CCDC126: variants seen among roughly 807,000 people sequenced by gnomAD.
The protein encoded by CCDC126 is coiled-coil domain-containing protein 126.
In CCDC126, 5 loss-of-function variants were observed where a neutral mutation model predicts 11.7. The observed-to-expected ratio is 0.43, with a 90% confidence interval of 0.22 to 0.90. CCDC126 has a LOEUF of 0.90. CCDC126 is among the 40% of genes least tolerant of loss of function. The probability of loss-of-function intolerance (pLI) is 0.27; values close to 1 mark genes in which losing one functional copy is unlikely to be tolerated. For missense variants in CCDC126, 150 were observed against 163.1 expected (o/e 0.92, Z 0.44); for synonymous variants, 60 against 61.9 (o/e 0.97, Z 0.14).
intron 3 of CCDC126, among the ~76,000 whole-genome samples, chr7:23,625,301 G>T (rs995232603): frequency 2.6e-5 from 4 of 152,158 alleles, no homozygotes; most frequent in African/African-American, 9.7e-5. Context: ...GAATGTTTAA[G>T]AATAGATTAC....
At chr7:23,627,982 T>C (rs1783043329) in intron 3 of CCDC126, among the ~76,000 whole-genome samples, 1 of 152,200 alleles carries the variant, frequency 6.6e-6, no homozygotes, top group East Asian at 1.9e-4. Context: ...GCAAAAATTT[T>C]CCTTAGTAAA....
At chr7:23,599,135 C>G (rs1782485749) in intron 2 of CCDC126, among the ~76,000 whole-genome samples, 1 of 152,196 alleles carries the variant, frequency 6.6e-6, no homozygotes, top group South Asian at 2.1e-4. Flanking sequence ...TTATCACTCT[C>G]TCATGAGCTG....
At position 23,611,456 on chromosome 7, in the gene CCDC126, G is replaced by C. The variant is rs776105484; in HGVS notation, c.141G>C (p.Glu47Asp). Residue 47 changes from glutamate (E) to aspartate (D), a missense_variant, in exon 3 of 4, where the codon GAG becomes GAC. By Grantham distance (45) the Glu-to-Asp change is conservative. Coordinates refer to ENST00000307471, the MANE Select transcript of CCDC126 (RefSeq NM_138771.4). ...ATCAAAGCAGTGTCAAGTTACGTGA[G>C]CAAATACTAGACTTAAGCAAAAGAT... ...PRHQSSVKLR[E>D]QILDLSKRYV... 2 of 1,613,808 alleles carry C rather than the reference G, an allele frequency of 1.2e-6. No homozygotes were observed. Among genetic ancestry groups the C allele is most frequent in the African/African-American group, 2.7e-5 (2 of 74,912 alleles).
At chr7:23,605,590 A>T (rs1409575418) in intron 2 of CCDC126, among the ~76,000 whole-genome samples, 3 of 152,212 alleles carry the variant, frequency 2.0e-5, no homozygotes, top group Non-Finnish European at 4.4e-5. Context: ...CTCTGTACCC[A>T]TTAAATCATA....
intron 3 of CCDC126, among the ~76,000 whole-genome samples, chr7:23,627,002 G>A (rs1394665369): frequency 6.6e-6 from 1 of 152,032 alleles, no homozygotes; most frequent in Non-Finnish European, 1.5e-5. Context: ...TATCTCTGTT[G>A]GATTCTGTGA....
chr7:23,604,997 C>CAAAAAA (rs35137744), intron 2 of CCDC126, among the ~76,000 whole-genome samples: 1 of 92,642 alleles, frequency 1.1e-5, no homozygotes. Context: ...GACTTCGTCT[C>CAAAAAA]AAAAAAAAAA....
Position 23,621,477 on chromosome 7 carries a change from G to C in CCDC126, c.238+9924G>C, listed in dbSNP as rs181896602. On this transcript the variant is annotated intron_variant, in intron 3 of 3. Transcript: ENST00000307471. ...TTGCTTATCACCTTAAGGAGATTTT[G>C]GGCTGAGATGATGGGGTTTTCTAGA... Among the ~76,000 whole-genome samples, 426 of 152,276 alleles carry C rather than the reference G, an allele frequency of 2.8e-3. 3 individuals are homozygous for C. Among genetic ancestry groups the C allele is most frequent in the African/African-American group, 8.3e-3 (345 of 41,564 alleles).
chr7:23,627,030 A>T (rs1367478302), intron 3 of CCDC126, among the ~76,000 whole-genome samples: 2 of 152,140 alleles, frequency 1.3e-5, no homozygotes, highest in African/African-American at 4.8e-5. Context: ...AGAACAATGA[A>T]TTGGGAATAC....
intron 3 of CCDC126, among the ~76,000 whole-genome samples, chr7:23,621,226 C>G (rs1305255867): frequency 1.3e-5 from 2 of 152,180 alleles, no homozygotes; most frequent in Non-Finnish European, 2.9e-5. Flanking sequence ...GAATGTTCTT[C>G]CATTTGTTTG....
intron 2 of CCDC126, among the ~76,000 whole-genome samples, chr7:23,608,159 C>T (rs1364579062): frequency 6.6e-6 from 1 of 152,136 alleles, no homozygotes; most frequent in African/African-American, 2.4e-5. Flanking sequence ...AGTTTTCAGC[C>T]CTCTGATGTC....
At chr7:23,601,579 G>A (rs1414234447) in intron 2 of CCDC126, among the ~76,000 whole-genome samples, 5 of 152,198 alleles carry the variant, frequency 3.3e-5, no homozygotes, top group Admixed American at 6.5e-5. Context: ...TGTGCTGAAA[G>A]TTTGGATGCC....
intron 3 of CCDC126, among the ~76,000 whole-genome samples, chr7:23,621,614 A>AT: frequency 6.6e-6 from 1 of 152,152 alleles, no homozygotes; most frequent in East Asian, 1.9e-4. Context: ...TTCCAACACT[A>AT]TGTTGAATAG....
At chr7:23,630,415 C>A (rs911386592) in intron 3 of CCDC126, among the ~76,000 whole-genome samples, 12 of 152,076 alleles carry the variant, frequency 7.9e-5, no homozygotes, top group African/African-American at 2.9e-4. Flanking sequence ...ATGAGAATTG[C>A]TTGAACCGGG....
rs570784528 is a variant in CCDC126 at position 23,611,975 on chromosome 7, CT to C, written c.238+423del. Among the ~76,000 whole-genome samples, 28 of 152,120 alleles carry C rather than the reference CT, an allele frequency of 1.8e-4. No homozygotes were observed. In the East Asian group the frequency reaches 4.7e-3, roughly 25 times the overall value. ...TGGCTAACACGGTAAAACCCCGTCT[CT>C]ACTGAAAATACAAAAACAAATTAGC... On this transcript the variant is annotated intron_variant, in intron 3 of 3. Coordinates refer to ENST00000307471, the MANE Select transcript of CCDC126 (RefSeq NM_138771.4).
intron 3 of CCDC126, 150 bp from the exon 4 acceptor site, chr7:23,642,781 G>A: frequency 1.7e-6 from 1 of 587,052 alleles, no homozygotes; most frequent in Non-Finnish European, 2.8e-6. Context: ...AAAAAAATTA[G>A]GCTTTTCCTA....
chr7:23,598,717 T>C (rs1782476529), intron 2 of CCDC126, among the ~76,000 whole-genome samples: 1 of 152,256 alleles, frequency 6.6e-6, no homozygotes, highest in Admixed American at 6.5e-5. Context: ...CACTCTAAAA[T>C]GTGTTGCAAA....
intron 2 of CCDC126, among the ~76,000 whole-genome samples, chr7:23,602,378 G>A (rs1782558898): frequency 6.6e-6 from 1 of 152,138 alleles, no homozygotes; most frequent in South Asian, 2.1e-4. Context: ...GCCCCTTTCA[G>A]ATTAGAGAAC....
chr7:23,597,464 C>T lies in CCDC126; in HGVS notation c.-372C>T, dbSNP rs899164231. 2 of 152,282 alleles carry T rather than the reference C, an allele frequency of 1.3e-5. No individual in the cohort carries two copies. The highest frequency in any genetic ancestry group is 3.9e-4 in the East Asian group (2 of 5,190). The allele number at this position is 152,282 out of a possible 1,614,324, so 9.4% of individuals were successfully genotyped here. On this transcript the variant is annotated 5_prime_UTR_variant, in exon 1 of 4. Transcript: ENST00000307471. ...GAACAAACCTCGTCCCAACTCCCACCCACCGGCGTTTCTCCAGCTCGATCT... is the reference window on the plus strand; with the variant it reads ...GAACAAACCTCGTCCCAACTCCCACTCACCGGCGTTTCTCCAGCTCGATCT...
intron 3 of CCDC126, among the ~76,000 whole-genome samples, chr7:23,629,563 GA>G (rs1226916045): frequency 6.6e-6 from 1 of 151,168 alleles, no homozygotes; most frequent in East Asian, 1.9e-4. Flanking sequence ...AGCATTTAAT[GA>G]ATATGAAGCA....
Sources: gnomAD v4.1 joint callset for allele counts (sites outside exome capture counted in the v4.1 genomes callset) on GRCh38, gnomAD v4.1.1 for gene constraint, MANE v1.5 for transcripts, NCBI Gene and HGNC (gene_info 2026-07-23, HGNC 2026-07-21) for gene names.